The following RXRA variants were observed in gnomAD, a reference collection of about 807,000 sequenced individuals.
RXRA encodes the protein retinoic acid receptor RXR-alpha.
Under a neutral mutation model 44.5 loss-of-function variants are expected in RXRA, and 5 were observed. The observed-to-expected ratio is 0.11, with a 90% confidence interval of 0.06 to 0.24. The LOEUF is 0.24. Among genes scored for constraint, RXRA ranks in the 10% least tolerant of loss-of-function variants. The probability of loss-of-function intolerance (pLI) is 1.00; values close to 1 mark genes in which losing one functional copy is unlikely to be tolerated. For missense variants in RXRA, 412 were observed against 646.5 expected (o/e 0.64, Z 3.93); for synonymous variants, 291 against 271.4 (o/e 1.07, Z -0.71).
chr9:134,385,643 G>C (rs1020717681), intron 1 of RXRA, among the ~76,000 whole-genome samples: 1 of 152,328 alleles, frequency 6.6e-6, no homozygotes, highest in Non-Finnish European at 1.5e-5. Context: ...CTGCGCGAGC[G>C]GTGGTGGCCC....
At chr9:134,383,220 G>A (rs894904233) in intron 1 of RXRA, among the ~76,000 whole-genome samples, 2 of 152,228 alleles carry the variant, frequency 1.3e-5, no homozygotes, top group African/African-American at 4.8e-5. Flanking sequence ...CTGGTCAGCT[G>A]GACTTGCTCT....
chr9:134,413,725 C>T (rs922414391), intron 4 of RXRA, among the ~76,000 whole-genome samples: 7 of 152,228 alleles, frequency 4.6e-5, no homozygotes, highest in Non-Finnish European at 1.5e-5. Context: ...CCCCCTCCCT[C>T]CTGCTTGACC....
chr9:134,395,713 C>T (rs2119130486), intron 1 of RXRA, among the ~76,000 whole-genome samples: 1 of 152,358 alleles, frequency 6.6e-6, no homozygotes, highest in Non-Finnish European at 1.5e-5. Context: ...GCATTGCCTT[C>T]AGGGAGCTCC....
At position 134,407,385 on chromosome 9, in the gene RXRA, A is replaced by G. The variant is rs1468415942; in HGVS notation, c.280-764A>G. ...GCAGCCAGGCTGGCTGGCAGGCTGC[A>G]GCGGGAAGCGCCTGTGGGTCCTCGG... On this transcript the variant is annotated intron_variant, in intron 2 of 9. Transcript: ENST00000481739. The surrounding 1 kb of genome is among the most constrained non-coding windows in gnomAD (Gnocchi z 4.8). Among the ~76,000 whole-genome samples the G allele has an allele frequency of 3.9e-5, 6 of 152,212 alleles. No individual in the cohort carries two copies. Among genetic ancestry groups the G allele is most frequent in the African/African-American group, 1.4e-4 (6 of 41,456 alleles).
rs544150798 is a variant in RXRA, at chr9:134,329,369, C to T, written c.28+2710C>T. On this transcript the variant is annotated intron_variant, in intron 1 of 9. Transcript: ENST00000481739. ...GTCTTTTAGCGCGGGCGCTGCCCGA[C>T]GGCAGGGTGTTTGTTTTGGTAAACT... 7.9e-4 allele frequency among the ~76,000 whole-genome samples: 120 copies of T among 152,358 alleles called. 1 individual carries two copies. Among genetic ancestry groups the T allele is most frequent in the Admixed American group, 3.5e-3 (54 of 15,312 alleles).
intron 1 of RXRA, among the ~76,000 whole-genome samples, chr9:134,374,941 A>G (rs1386713494): frequency 6.6e-6 from 1 of 152,134 alleles, no homozygotes; most frequent in Non-Finnish European, 1.5e-5. Context: ...GGCACTGGCC[A>G]GGGCCCAGGG....
At position 134,417,286 on chromosome 9, in the gene RXRA, G is replaced by A. The variant is rs141477822; in HGVS notation, c.739G>A (p.Glu247Lys). 7.5e-5 allele frequency: 121 copies of A among 1,613,752 alleles called. No individual in the cohort carries two copies. The highest frequency in any genetic ancestry group is 9.6e-5 in the Non-Finnish European group (113 of 1,179,984). The change falls in exon 5 of 10, where the codon GAG becomes AAG. Residue 247 changes from glutamate (E) to lysine (K), a missense_variant. This residue lies in a region of RXRA where 67 missense variants were observed against 78.7 expected (regional missense o/e 0.85). Transcript: ENST00000481739. This position sits in a 1 kb window ranked among gnomAD's most constrained non-coding sequence, Gnocchi z 6.1. Reference protein sequence around the residue: ...EAELAVEPKTETYVEANMGLN... With the variant: ...EAELAVEPKTKTYVEANMGLN... The stretch of plus-strand genomic sequence containing the variant: ...TGAGCTGGCCGTGGAGCCCAAGACC[G>A]AGACCTACGTGGAGGCAAACATGGG...
chr9:134,370,824 A>G (rs1023538168), intron 1 of RXRA, among the ~76,000 whole-genome samples: 12 of 152,332 alleles, frequency 7.9e-5, no homozygotes, highest in Admixed American at 7.8e-4. Context: ...TGGTGTGGAC[A>G]TGATGAGTGC....
chr9:134,421,970 TG>T (rs1387767095), intron 6 of RXRA, 165 bp downstream of exon 6: 4 of 1,425,102 alleles, frequency 2.8e-6, no homozygotes, highest in Non-Finnish European at 3.7e-6. Flanking sequence ...TCCCCTCTCC[TG>T]GGACACACTC....
At chr9:134,376,225 C>A (rs1245095812) in intron 1 of RXRA, among the ~76,000 whole-genome samples, 3 of 152,136 alleles carry the variant, frequency 2.0e-5, no homozygotes, top group Non-Finnish European at 4.4e-5. Context: ...GCACCCTCAG[C>A]CGCGGGGCCT....
chr9:134,434,035 G>A, intron 8 of RXRA, 67 bp from the exon 9 acceptor site: 2 of 1,235,318 alleles, frequency 1.6e-6, no homozygotes, highest in Non-Finnish European at 2.3e-6. Flanking sequence ...ACAAGCCTGG[G>A]TCCTGGGGGC....
At chr9:134,396,324 C>T (rs1208819434) in intron 1 of RXRA, among the ~76,000 whole-genome samples, 1 of 152,160 alleles carries the variant, frequency 6.6e-6, no homozygotes, top group Non-Finnish European at 1.5e-5. Flanking sequence ...TAACCACCTT[C>T]AGCTTCCCCC....
intron 1 of RXRA, among the ~76,000 whole-genome samples, chr9:134,380,697 C>A (rs113738281): frequency 3.5e-4 from 54 of 152,280 alleles, no homozygotes; most frequent in African/African-American, 1.3e-3. Flanking sequence ...GTCCCAGCTC[C>A]TGGGCCAGGT....
In RXRA at chr9:134,385,186, AC is replaced by A. The variant is rs1830701285; in HGVS notation, c.29-16441del. Among the ~76,000 whole-genome samples, 3 of 151,984 alleles carry A rather than the reference AC, an allele frequency of 2.0e-5. No individual in the cohort carries two copies. In the South Asian group the frequency reaches 6.2e-4, roughly 32 times the overall value. On this transcript the variant is annotated intron_variant, in intron 1 of 9. Coordinates refer to ENST00000481739, the MANE Select transcript of RXRA (RefSeq NM_002957.6). ...CCTCCTGGGTGGATGGGGACTTAGGACCCCCACTAGCATGCCAGGGGCTGGC... is the reference window on the plus strand; with the variant it reads ...CCTCCTGGGTGGATGGGGACTTAGGACCCCACTAGCATGCCAGGGGCTGGC...
At chr9:134,436,417 A>G (rs1482149028) in intron 9 of RXRA, 50 bp from the exon 10 acceptor site, 1 of 1,596,484 alleles carries the variant, frequency 6.3e-7, no homozygotes, top group South Asian at 1.1e-5. Context: ...GTGCCAGGGC[A>G]GAACTGCCCA....
At chr9:134,429,840 G>A (rs569022935) in intron 7 of RXRA, among the ~76,000 whole-genome samples, 5 of 152,226 alleles carry the variant, frequency 3.3e-5, no homozygotes, top group South Asian at 2.1e-4. Context: ...GGCCAACTCC[G>A]CTCTGCCAGG....
intron 1 of RXRA, among the ~76,000 whole-genome samples, chr9:134,400,845 C>T (rs1263217480): frequency 6.6e-6 from 1 of 152,178 alleles, no homozygotes; most frequent in Non-Finnish European, 1.5e-5. Context: ...GCGTCCAGCC[C>T]ACCGCCCACG....
intron 1 of RXRA, among the ~76,000 whole-genome samples, chr9:134,378,366 CG>C (rs1564276812): frequency 6.6e-6 from 1 of 152,236 alleles, no homozygotes; most frequent in East Asian, 1.9e-4. Flanking sequence ...CGCCTGTGTG[CG>C]GGGTCCTTAC....
intron 1 of RXRA, among the ~76,000 whole-genome samples, chr9:134,361,671 C>T (rs950685274): frequency 2.8e-4 from 43 of 152,208 alleles, no homozygotes; most frequent in African/African-American, 8.0e-4. Flanking sequence ...TCCTAATTGC[C>T]GAACAAGCAC....
Sources: gnomAD v4.1 joint callset for allele counts (sites outside exome capture counted in the v4.1 genomes callset) on GRCh38, gnomAD v4.1.1 for gene constraint, gnomAD v4.1.1 regional missense constraint, Gnocchi (gnomAD v3.1) non-coding constraint, MANE v1.5 for transcripts, NCBI Gene and HGNC (gene_info 2026-07-23, HGNC 2026-07-21) for gene names.